The following GPR158 variants were observed in gnomAD, a reference collection of about 807,000 sequenced individuals.
The protein encoded by GPR158 is metabotropic glycine receptor.
A neutral mutation model predicts 78.2 loss-of-function variants in GPR158; 30 were observed. The ratio of observed to expected loss-of-function variants is 0.38; its 90% CI spans 0.29 to 0.52. The LOEUF is 0.52. Ranked by LOEUF, GPR158 falls within the 20% of genes least tolerant of loss-of-function variation. The probability of loss-of-function intolerance (pLI) is 0.83; values close to 1 mark genes in which losing one functional copy is unlikely to be tolerated. For missense variants in GPR158, 1,463 were observed against 1,523.5 expected (o/e 0.96, Z 0.66); for synonymous variants, 581 against 591.1 (o/e 0.98, Z 0.25).
chr10:25,354,454 T>C (rs917026695), intron 2 of GPR158, among the ~76,000 whole-genome samples: 1 of 152,062 alleles, frequency 6.6e-6, no homozygotes, highest in African/African-American at 2.4e-5. Context: ...CTCTACACTT[T>C]AGCTCCATTC....
intron 2 of GPR158, among the ~76,000 whole-genome samples, chr10:25,289,514 G>T (rs1307351300): frequency 1.3e-5 from 2 of 151,930 alleles, no homozygotes; most frequent in Admixed American, 1.3e-4. Context: ...CTCACTACAA[G>T]CTCTGCCTCC....
In GPR158 at chr10:25,432,746, C is replaced by T. The variant is rs903054227; in HGVS notation, c.1335+20273C>T. ...TTTCCTTTCTCTTATTCTTCTCCCT[C>T]ACTCTCTGCTTGCCTTCCTCCATTC... On this transcript the variant is annotated intron_variant, in intron 4 of 10. Coordinates refer to ENST00000376351, the MANE Select transcript of GPR158 (RefSeq NM_020752.3). Among the ~76,000 whole-genome samples, 4 of 152,110 alleles carry T rather than the reference C, an allele frequency of 2.6e-5. 1 individual carries two copies. The East Asian group carries it at 7.7e-4, about 29-fold the overall frequency.
At chr10:25,344,147 A>C (rs1449131638) in intron 2 of GPR158, among the ~76,000 whole-genome samples, 1 of 152,054 alleles carries the variant, frequency 6.6e-6, no homozygotes, top group African/African-American at 2.4e-5. Flanking sequence ...ATTGTACAGC[A>C]TTAAATTCAA....
chr10:25,596,564 T>G, intron 9 of GPR158, 79 bp from the exon 10 acceptor site: 1 of 934,388 alleles, frequency 1.1e-6, no homozygotes, highest in Non-Finnish European at 1.7e-6. Flanking sequence ...TATATAGATA[T>G]AGGTATAGAT....
At chr10:25,461,733 C>CT (rs35604549) in intron 4 of GPR158, among the ~76,000 whole-genome samples, 27,523 of 132,464 alleles carry the variant, frequency 0.21, 3,746 homozygotes, top group African/African-American at 0.38. Context: ...CTAGGACTTT[C>CT]TTTTTTTTTT....
intron 5 of GPR158, among the ~76,000 whole-genome samples, chr10:25,516,307 C>T (rs1481042772): frequency 1.3e-5 from 2 of 148,320 alleles, no homozygotes; most frequent in Admixed American, 6.7e-5. Context: ...AAATTTTCTC[C>T]CATGTTGTAG....
At position 25,285,227 on chromosome 10, in the gene GPR158, A is replaced by G. The variant is rs539167918; in HGVS notation, c.1008+64070A>G. Among the ~76,000 whole-genome samples the G allele has an allele frequency of 4.6e-5, 7 of 152,258 alleles. No individual in the cohort carries two copies. The South Asian group carries it at 1.0e-3, about 23-fold the overall frequency. On this transcript the variant is annotated intron_variant, in intron 2 of 10. Transcript: ENST00000376351. The stretch of plus-strand genomic sequence containing the variant: ...CAAATAGAATCAATGAGATATAGAT[A>G]CATATCTCTTTCCCCCTCTTTCTTT...
chr10:25,383,141 A>G (rs537148905), intron 2 of GPR158, among the ~76,000 whole-genome samples: 65 of 152,318 alleles, frequency 4.3e-4, no homozygotes, highest in African/African-American at 1.6e-3. Flanking sequence ...GGCCCAGATG[A>G]GAAGATTCAA....
intron 9 of GPR158, among the ~76,000 whole-genome samples, chr10:25,595,458 A>T (rs1410692643): frequency 6.6e-6 from 1 of 152,224 alleles, no homozygotes. Context: ...AAGGATGTTC[A>T]TAGCAGTGTT....
chr10:25,417,100 C>T (rs1158473468), intron 4 of GPR158, among the ~76,000 whole-genome samples: 4 of 152,070 alleles, frequency 2.6e-5, no homozygotes, highest in Non-Finnish European at 5.9e-5. Context: ...TTCAAATATT[C>T]CTGGCACCAA....
intron 1 of GPR158, among the ~76,000 whole-genome samples, chr10:25,214,477 A>G (rs899434737): frequency 6.6e-6 from 1 of 152,130 alleles, no homozygotes; most frequent in African/African-American, 2.4e-5. Flanking sequence ...TGGCAAAATT[A>G]TCAAAAGTAA....
intron 2 of GPR158, among the ~76,000 whole-genome samples, chr10:25,384,871 A>G (rs994460676): frequency 6.6e-6 from 1 of 152,200 alleles, no homozygotes; most frequent in Non-Finnish European, 1.5e-5. Context: ...TGAGATATAC[A>G]TCATGCCGAT....
At chr10:25,393,505 A>T (rs1222358090) in intron 2 of GPR158, 1 of 152,200 alleles carries the variant, frequency 6.6e-6, no homozygotes, top group Non-Finnish European at 1.5e-5. Flanking sequence ...GGAAGTAATG[A>T]TACCCCATTG....
At chr10:25,580,913 A>ATTTTTTT (rs571040918) in intron 7 of GPR158, among the ~76,000 whole-genome samples, 1 of 113,802 alleles carries the variant, frequency 8.8e-6, no homozygotes, top group Non-Finnish European at 1.6e-5. Context: ...TTTTTATTTT[A>ATTTTTTT]TTTTATTTTA....
chr10:25,558,229 G>GT (rs1836810847), intron 6 of GPR158, among the ~76,000 whole-genome samples: 1 of 152,192 alleles, frequency 6.6e-6, no homozygotes, highest in African/African-American at 2.4e-5. Context: ...GCGTGCGCAC[G>GT]TGAGTGTGTG....
At chr10:25,538,567 A>AT (rs1479925624) in intron 5 of GPR158, among the ~76,000 whole-genome samples, 5 of 152,182 alleles carry the variant, frequency 3.3e-5, no homozygotes, top group Non-Finnish European at 5.9e-5. Flanking sequence ...ATTATCACAC[A>AT]TTATAGCCTC....
At chr10:25,444,090 G>A (rs546261905) in intron 4 of GPR158, among the ~76,000 whole-genome samples, 8 of 150,674 alleles carry the variant, frequency 5.3e-5, no homozygotes, top group African/African-American at 1.7e-4. Context: ...AATCAAAAAT[G>A]TCTCCAAACA....
At chr10:25,573,724 C>T (rs1193317530) in intron 7 of GPR158, among the ~76,000 whole-genome samples, 1 of 152,066 alleles carries the variant, frequency 6.6e-6, no homozygotes, top group Non-Finnish European at 1.5e-5. Flanking sequence ...AGTTTGATTC[C>T]CATTTTTTGT....
rs78865074 is a variant in GPR158 at position 25,508,229 on chromosome 10, C to G, written c.1404+41510C>G. On this transcript the variant is annotated intron_variant, in intron 5 of 10. Coordinates refer to ENST00000376351, the MANE Select transcript of GPR158 (RefSeq NM_020752.3). Reference sequence around the variant, plus strand: ...GGAAGGAAAAGGAGAACACTTTTATCTTCAGAGAGGCAATCTGCAAATCAG... The same window carrying G: ...GGAAGGAAAAGGAGAACACTTTTATGTTCAGAGAGGCAATCTGCAAATCAG... 4.2e-3 allele frequency among the ~76,000 whole-genome samples: 633 copies of G among 152,174 alleles called. 2 individuals carry two copies. The highest frequency in any genetic ancestry group is 0.024 in the Middle Eastern group (7 of 294).
Sources: allele counts gnomAD v4.1 joint callset (sites outside exome capture counted in the v4.1 genomes callset), GRCh38; gene constraint gnomAD v4.1.1; transcripts MANE v1.5; gene names NCBI Gene and HGNC (gene_info 2026-07-23, HGNC 2026-07-21).